LRMDA: variants seen among roughly 807,000 people sequenced by gnomAD.
LRMDA encodes leucine rich melanocyte differentiation associated, also known as leucine-rich melanocyte differentiation-associated protein.
Under a neutral mutation model 29.8 loss-of-function variants are expected in LRMDA, and 18 were observed. That is an observed-to-expected ratio of 0.60 (90% CI 0.42 to 0.90). The LOEUF is 0.90. Among genes scored for constraint, LRMDA ranks in the 40% least tolerant of loss-of-function variants. The probability of loss-of-function intolerance (pLI) is 0.00; values close to 1 mark genes in which losing one functional copy is unlikely to be tolerated. For missense variants in LRMDA, 273 were observed against 273.9 expected (o/e 1.00, Z 0.02); for synonymous variants, 125 against 109.4 (o/e 1.14, Z -0.89).
At chr10:75,533,281 C>T (rs909330611) in intron 2 of LRMDA, among the ~76,000 whole-genome samples, 2 of 152,104 alleles carry the variant, frequency 1.3e-5, no homozygotes, top group East Asian at 1.9e-4. Context: ...CTTTGTTTAC[C>T]CTTAAAATGG....
intron 2 of LRMDA, among the ~76,000 whole-genome samples, chr10:75,539,830 C>A (rs1317695037): frequency 6.6e-6 from 1 of 151,628 alleles, no homozygotes; most frequent in Non-Finnish European, 1.5e-5. Flanking sequence ...CATTTGCATT[C>A]ACTCCCTATA....
chr10:76,265,689 CATTGGTT>C (rs1182573970), intron 5 of LRMDA, among the ~76,000 whole-genome samples: 2 of 152,150 alleles, frequency 1.3e-5, no homozygotes, highest in African/African-American at 4.8e-5. Flanking sequence ...GGTGACTGTA[CATTGGTT>C]ATTGTTGGGG....
intron 5 of LRMDA, among the ~76,000 whole-genome samples, chr10:76,188,935 T>TACACACACACACACACACACACAC (rs3998129): frequency 1.4e-5 from 2 of 141,636 alleles, no homozygotes; most frequent in African/African-American, 2.5e-5. Flanking sequence ...TGATTGCATG[T>TACACACACACACACACACACACAC]ACACACACAC....
intron 2 of LRMDA, among the ~76,000 whole-genome samples, chr10:75,677,461 T>G (rs1841974455): frequency 6.6e-6 from 1 of 152,176 alleles, no homozygotes; most frequent in Non-Finnish European, 1.5e-5. Flanking sequence ...AACTGGGATT[T>G]TCTGTTATTT....
At position 76,031,477 on chromosome 10, in the gene LRMDA, G is replaced by C. The variant is rs60182127; in HGVS notation, c.132-4531G>C. Among the ~76,000 whole-genome samples, 195 of 152,214 alleles carry C rather than the reference G, an allele frequency of 1.3e-3. 1 individual carries two copies. Among genetic ancestry groups the C allele is most frequent in the African/African-American group, 4.5e-3 (187 of 41,540 alleles). On this transcript the variant is annotated intron_variant, in intron 2 of 6. Transcript: ENST00000611255. ...GCCGTTTTTTTCTTAGACACTCCCA[G>C]GTTTTGGCTGAACAGTGCTCAGTGG...
intron 2 of LRMDA, among the ~76,000 whole-genome samples, chr10:75,970,452 A>G (rs545941591): frequency 2.0e-5 from 3 of 152,252 alleles, no homozygotes; most frequent in African/African-American, 7.2e-5. Context: ...AAAGGATTTC[A>G]TTTGGGGGAA....
At chr10:76,321,418 T>G (rs1840769117) in intron 5 of LRMDA, among the ~76,000 whole-genome samples, 1 of 152,242 alleles carries the variant, frequency 6.6e-6, no homozygotes, top group Admixed American at 6.5e-5. Context: ...TGCATTGCCC[T>G]TAGTCCTAGT....
At chr10:76,396,244 T>G (rs1269211971) in intron 6 of LRMDA, among the ~76,000 whole-genome samples, 2 of 152,154 alleles carry the variant, frequency 1.3e-5, no homozygotes, top group Non-Finnish European at 2.9e-5. Flanking sequence ...AGAAAAGACA[T>G]CATTATTCTT....
chr10:75,801,313 A>T (rs1303188249), intron 2 of LRMDA, among the ~76,000 whole-genome samples: 1 of 152,200 alleles, frequency 6.6e-6, no homozygotes, highest in Non-Finnish European at 1.5e-5. Context: ...CCGCTTTGGC[A>T]TCCCTGACAT....
chr10:76,166,883 T>C (rs1186241189), intron 5 of LRMDA, among the ~76,000 whole-genome samples: 1 of 152,212 alleles, frequency 6.6e-6, no homozygotes, highest in Non-Finnish European at 1.5e-5. Context: ...CTTTCCACAA[T>C]GGTTGAACTA....
intron 6 of LRMDA, among the ~76,000 whole-genome samples, chr10:76,359,321 A>G (rs1442637121): frequency 6.6e-6 from 1 of 152,190 alleles, no homozygotes; most frequent in Admixed American, 6.5e-5. Context: ...AAGACATAGG[A>G]GAAGACCCTT....
intron 2 of LRMDA, among the ~76,000 whole-genome samples, chr10:75,714,372 C>T (rs1056374943): frequency 1.3e-5 from 2 of 152,218 alleles, no homozygotes; most frequent in Non-Finnish European, 2.9e-5. Flanking sequence ...CTCCTGTGCA[C>T]ATCCAGCGTC....
chr10:75,830,459 C>T (rs935398028), intron 2 of LRMDA, among the ~76,000 whole-genome samples: 1 of 152,212 alleles, frequency 6.6e-6, no homozygotes. Context: ...ATTGGACTTA[C>T]AGTTCCATGT....
chr10:76,542,773 A>T (rs1048584619), intron 6 of LRMDA, among the ~76,000 whole-genome samples: 3 of 152,172 alleles, frequency 2.0e-5, no homozygotes, highest in East Asian at 1.9e-4. Context: ...TCCTTCAGAT[A>T]TGTCTTCCCT....
intron 6 of LRMDA, among the ~76,000 whole-genome samples, chr10:76,339,469 T>C (rs1336632434): frequency 6.6e-6 from 1 of 151,846 alleles, no homozygotes; most frequent in Non-Finnish European, 1.5e-5. Context: ...CTTAGAAACA[T>C]AAACTGTAAA....
At chr10:76,028,580 A>G (rs1340369518) in intron 2 of LRMDA, among the ~76,000 whole-genome samples, 1 of 152,146 alleles carries the variant, frequency 6.6e-6, no homozygotes, top group Non-Finnish European at 1.5e-5. Context: ...CCTGTCCCCT[A>G]TAAATGTGAT....
rs921538004 is a variant in LRMDA, at chr10:76,206,071, G to A, written c.517-118330G>A. Reference sequence around the variant, plus strand: ...AGGCACACATCCTCTCCTTCCTCCCGTCGATCAAAAGACGCATCTGGATTG... The same window carrying A: ...AGGCACACATCCTCTCCTTCCTCCCATCGATCAAAAGACGCATCTGGATTG... On this transcript the variant is annotated intron_variant, in intron 5 of 6. Transcript: ENST00000611255. 6.6e-5 allele frequency among the ~76,000 whole-genome samples: 10 copies of A among 152,110 alleles called. No individual in the cohort carries two copies. In the South Asian group the frequency reaches 8.3e-4, roughly 13 times the overall value.
chr10:75,646,245 A>G (rs1292803475), intron 2 of LRMDA, among the ~76,000 whole-genome samples: 2 of 152,200 alleles, frequency 1.3e-5, no homozygotes, highest in Non-Finnish European at 2.9e-5. Flanking sequence ...GACTATCATC[A>G]TTTAAAGTAT....
At chr10:75,507,158 C>G (rs1191984314) in intron 2 of LRMDA, among the ~76,000 whole-genome samples, 1 of 150,812 alleles carries the variant, frequency 6.6e-6, no homozygotes, top group Non-Finnish European at 1.5e-5. Flanking sequence ...GAGTGACTCT[C>G]CCTCGGTAAA....
Sources: gnomAD v4.1 joint callset for allele counts (sites outside exome capture counted in the v4.1 genomes callset) on GRCh38, gnomAD v4.1.1 for gene constraint, MANE v1.5 for transcripts, NCBI Gene and HGNC (gene_info 2026-07-23, HGNC 2026-07-21) for gene names.